Variants in OTOA observed in about 807,000 individuals in gnomAD.
OTOA encodes the protein cancer/testis antigen 108.
In OTOA, 70 loss-of-function variants were observed where a neutral mutation model predicts 110.8. The observed-to-expected ratio is 0.63, with a 90% CI of 0.52 to 0.77. The LOEUF (loss-of-function observed/expected upper bound fraction) is 0.77, where lower values mean the gene tolerates loss of function less well. OTOA is among the 30% of genes least tolerant of loss of function. The probability of loss-of-function intolerance (pLI) is 0.00; values close to 1 mark genes in which losing one functional copy is unlikely to be tolerated. For missense variants in OTOA, 917 were observed against 1,075.8 expected, an observed-to-expected ratio of 0.85 and a Z score of 2.06; for synonymous variants, 373 against 431.5, an observed-to-expected ratio of 0.86 and a Z score of 1.68.
intron 11 of OTOA, among the ~76,000 whole-genome samples, chr16:21,703,433 G>C (rs1308764871): frequency 6.6e-6 from 1 of 151,974 alleles, no homozygotes; most frequent in African/African-American, 2.4e-5. Context: ...TTCATCCATG[G>C]GGTCCCATAT....
intron 13 of OTOA, 143 bp from the exon 14 acceptor site, chr16:21,714,842 T>A: frequency 1.9e-6 from 2 of 1,049,366 alleles, no homozygotes; most frequent in Non-Finnish European, 2.9e-6. Context: ...AAGGAAGGCC[T>A]GTGGAGGCAG....
chr16:21,734,535 A>T (rs889094898), intron 21 of OTOA, among the ~76,000 whole-genome samples: 2 of 151,788 alleles, frequency 1.3e-5, no homozygotes, highest in African/African-American at 2.4e-5. Flanking sequence ...AAGTTAAATT[A>T]AAAAAAATAA....
chr16:21,705,428 G>A, intron 12 of OTOA, 136 bp downstream of exon 12: 2 of 1,353,116 alleles, frequency 1.5e-6, no homozygotes, highest in South Asian at 1.2e-5. Context: ...ACAGCAGATG[G>A]CATCTCAAAT....
At chr16:21,708,854 C>T (rs890050897) in intron 12 of OTOA, among the ~76,000 whole-genome samples, 1 of 152,120 alleles carries the variant, frequency 6.6e-6, no homozygotes, top group Admixed American at 6.6e-5. Flanking sequence ...TTATCACATT[C>T]CTTACCGAAA....
At position 21,685,356 on chromosome 16, in the gene OTOA, G is replaced by T. The variant is rs1204323400; in HGVS notation, c.394G>T (p.Gly132Cys). 1 of 1,611,086 alleles carries T rather than the reference G, an allele frequency of 6.2e-7. No individual in the cohort carries two copies. The highest frequency in any genetic ancestry group is 8.5e-7 in the Non-Finnish European group (1 of 1,178,140). The change falls in exon 7 of 29, where the codon GGC becomes TGC. Residue 132 changes from glycine (G) to cysteine (C), a missense_variant. Physicochemically the swap from Gly to Cys is radical, Grantham distance 159 (BLOSUM62 -3). Transcript: ENST00000646100. ...ATGCCTCTTAGAAGACAAGAAGGAC[G>T]GCTTGGTGAGGAGCCCTTGGCATCC... ...MKCLLEDKKD[G>C]LDLKDIIIDL...
At position 21,700,909 on chromosome 16, in the gene OTOA, GACA is replaced by G; in HGVS notation, c.865_867del (p.Asn289del). 1.9e-6 allele frequency: 3 copies of G among 1,614,040 alleles called. No individual in the cohort carries two copies. The highest frequency in any genetic ancestry group is 2.5e-6 in the Non-Finnish European group (3 of 1,180,028). ...CTAGATTGGGCTGTTTATCAGCTAT[GACA>G]ACGCCACCAAGCAGCTGGACATGGT... is the stretch of plus-strand genomic sequence containing the variant. On this transcript the variant is annotated inframe_deletion, in exon 11 of 29. Coordinates refer to ENST00000646100, the MANE Select transcript of OTOA (RefSeq NM_144672.4).
intron 14 of OTOA, among the ~76,000 whole-genome samples, chr16:21,715,369 T>G (rs1424736329): frequency 6.6e-6 from 1 of 152,108 alleles, no homozygotes; most frequent in Admixed American, 6.6e-5. Context: ...CCCTTTGTTC[T>G]GCCAGACAGT....
rs745683256 is a variant in OTOA, at chr16:21,711,952, C to T, written c.1320+1849C>T. Among the ~76,000 whole-genome samples the T allele has an allele frequency of 3.3e-5, 5 of 152,168 alleles. No individual in the cohort carries two copies. The South Asian group carries it at 6.2e-4, about 19-fold the overall frequency. ...AATTTACTACCAGATGTTTAACAAG[C>T]ACCCATTATAATTGCTAAACTGTGA... On this transcript the variant is annotated intron_variant, in intron 13 of 28. Coordinates refer to ENST00000646100, the MANE Select transcript of OTOA (RefSeq NM_144672.4).
intron 1 of OTOA, among the ~76,000 whole-genome samples, chr16:21,666,748 C>T (rs215897): frequency 0.33 from 49,751 of 151,872 alleles, 8,718 homozygotes; most frequent in Non-Finnish European, 0.4. Flanking sequence ...AGAAAGCTAT[C>T]GACCTCCAAA....
intron 1 of OTOA, among the ~76,000 whole-genome samples, chr16:21,671,537 A>G (rs1018437629): frequency 6.7e-6 from 1 of 149,608 alleles, no homozygotes; most frequent in African/African-American, 2.5e-5. Context: ...CAGTGAGCCT[A>G]CATTGCACCA....
chr16:21,705,065 G>A (rs376878500), intron 11 of OTOA, 104 bp from the exon 12 acceptor site: 18 of 1,575,752 alleles, frequency 1.1e-5, no homozygotes, highest in African/African-American at 6.8e-5. Flanking sequence ...CTGGGAGTCC[G>A]TGGCAACTGA....
chr16:21,703,530 T>C (rs1252375410), intron 11 of OTOA, among the ~76,000 whole-genome samples: 1 of 152,166 alleles, frequency 6.6e-6, no homozygotes, highest in Non-Finnish European at 1.5e-5. Context: ...TCCACTGACG[T>C]GTTGGACACT....
At chr16:21,707,605 C>CT (rs1189254404) in intron 12 of OTOA, among the ~76,000 whole-genome samples, 4 of 71,208 alleles carry the variant, frequency 5.6e-5, no homozygotes, top group East Asian at 3.5e-4. Flanking sequence ...TTCTTTCTTT[C>CT]TTTCTTTCTT....
At chr16:21,731,986 G>T (rs1015194825) in intron 21 of OTOA, among the ~76,000 whole-genome samples, 1 of 151,838 alleles carries the variant, frequency 6.6e-6, no homozygotes, top group African/African-American at 2.4e-5. Flanking sequence ...TTTATTTTGC[G>T]ATGGAGTCTC....
At chr16:21,683,873 A>T (rs1010343925) in intron 6 of OTOA, among the ~76,000 whole-genome samples, 2 of 151,052 alleles carry the variant, frequency 1.3e-5, no homozygotes, top group African/African-American at 4.9e-5. Context: ...GGTTCAAGCA[A>T]TTCTCCTGCC....
At chr16:21,710,829 C>T (rs1898331700) in intron 13 of OTOA, among the ~76,000 whole-genome samples, 1 of 152,068 alleles carries the variant, frequency 6.6e-6, no homozygotes, top group South Asian at 2.1e-4. Context: ...ATGGTGAAAT[C>T]CCGTCTCTAC....
At chr16:21,711,115 CAGAGT>C (rs1898340928) in intron 13 of OTOA, among the ~76,000 whole-genome samples, 2 of 152,190 alleles carry the variant, frequency 1.3e-5, no homozygotes. Context: ...GGTGACACCA[CAGAGT>C]AGGAGCTCAA....
chr16:21,705,390 C>T (rs1171000092), intron 12 of OTOA, 98 bp downstream of exon 12: 54 of 1,579,286 alleles, frequency 3.4e-5, no homozygotes, highest in Non-Finnish European at 4.5e-5. Context: ...AGAAAACACA[C>T]AGCATTAGTC....
intron 1 of OTOA, among the ~76,000 whole-genome samples, chr16:21,676,320 C>A (rs1966857691): frequency 6.6e-6 from 1 of 150,906 alleles, no homozygotes; most frequent in Non-Finnish European, 1.5e-5. Context: ...TCTGAAGTTT[C>A]TGGGTTTTAT....
Sources: gnomAD v4.1 joint callset for allele counts (sites outside exome capture counted in the v4.1 genomes callset) on GRCh38, gnomAD v4.1.1 for gene constraint, MANE v1.5 for transcripts, NCBI Gene and HGNC (gene_info 2026-07-23, HGNC 2026-07-21) for gene names.